ITK: variants seen among roughly 807,000 people sequenced by gnomAD.
ITK encodes the protein tyrosine-protein kinase ITK/TSK.
Under a neutral mutation model 87.6 loss-of-function variants are expected in ITK, and 45 were observed. That is an observed-to-expected ratio of 0.51 (90% CI 0.40 to 0.66). The LOEUF (loss-of-function observed/expected upper bound fraction) is 0.66. Among genes scored for constraint, ITK ranks in the 30% least tolerant of loss-of-function variants. The pLI, the probability that ITK is intolerant of heterozygous loss-of-function variation, is 0.00. For synonymous variants in ITK, 303 were observed against 273.6 expected, an observed-to-expected ratio of 1.11 and a Z score of -1.06; for missense variants, 605 against 766.3, an observed-to-expected ratio of 0.79 and a Z score of 2.48.
intron 5 of ITK, among the ~76,000 whole-genome samples, chr5:157,219,769 C>T (rs1327725519): frequency 6.6e-6 from 1 of 152,198 alleles, no homozygotes; most frequent in Non-Finnish European, 1.5e-5. Flanking sequence ...CCCTTGCAGA[C>T]GGTTCCCTCA....
At position 157,244,422 on chromosome 5, in the gene ITK, G is replaced by C; in HGVS notation, c.1393G>C (p.Asp465His). ...AAETLLGMCL[D>H]VCEGMAYLEE... is the part of the protein sequence containing the mutation. ...AGAGACCCTGCTGGGCATGTGTCTG[G>C]ATGTGTGTGAGGGCATGGCCTACCT... The change falls in exon 13 of 17, where the codon GAT becomes CAT. Residue 465 changes from aspartate to histidine, a missense_variant. Asp to His is a moderately conservative substitution (Grantham distance 81). This residue lies in a region of ITK where 464 missense variants were observed against 578.0 expected (regional missense o/e 0.80). Transcript: ENST00000422843. 6.2e-7 allele frequency: 1 copy of C among 1,614,076 alleles called. No homozygotes were observed. The highest frequency in any genetic ancestry group is 1.1e-5 in the South Asian group (1 of 91,084).
At chr5:157,218,511 G>GAA (rs397884875) in intron 5 of ITK, among the ~76,000 whole-genome samples, 85 of 102,676 alleles carry the variant, frequency 8.3e-4, no homozygotes, top group East Asian at 3.0e-3. Flanking sequence ...CCCGTCTCCA[G>GAA]AAAAAAAAAA....
At chr5:157,219,378 G>A (rs192928818) in intron 5 of ITK, among the ~76,000 whole-genome samples, 1 of 152,136 alleles carries the variant, frequency 6.6e-6, no homozygotes, top group East Asian at 1.9e-4. Flanking sequence ...CTCCCAAAGT[G>A]CTGGAATTAC....
intron 5 of ITK, 111 bp downstream of exon 5, chr5:157,218,018 C>G: frequency 1.0e-6 from 1 of 974,822 alleles, no homozygotes. Context: ...TGGCTGCATG[C>G]AGCAGGCTGT....
chr5:157,201,670 A>G (rs1201845886), intron 1 of ITK, among the ~76,000 whole-genome samples: 3 of 151,140 alleles, frequency 2.0e-5, no homozygotes, highest in African/African-American at 7.3e-5. Flanking sequence ...ATAAAGTGAA[A>G]TGAAATTCTC....
intron 1 of ITK, among the ~76,000 whole-genome samples, chr5:157,201,747 A>G (rs1753980787): frequency 6.6e-6 from 1 of 152,176 alleles, no homozygotes; most frequent in Non-Finnish European, 1.5e-5. Context: ...AAAAAAAAAA[A>G]AAAAAAAATT....
At chr5:157,223,524 A>T (rs1416035689) in intron 6 of ITK, among the ~76,000 whole-genome samples, 1 of 152,232 alleles carries the variant, frequency 6.6e-6, no homozygotes, top group African/African-American at 2.4e-5. Flanking sequence ...CACATGACTC[A>T]GGGAGAAAAT....
chr5:157,217,910 G>A lies in ITK; in HGVS notation c.495+3G>A. The A allele has an allele frequency of 6.2e-7, 1 of 1,613,634 alleles. No individual in the cohort carries two copies. The highest frequency in any genetic ancestry group is 8.5e-7 in the Non-Finnish European group (1 of 1,179,612). Reference sequence around the variant, plus strand: ...CTCCTACTCCTGAAGACAACAGGGTGAGTGAGAGCGCTAGCTCCGGGTGCA... The same window carrying A: ...CTCCTACTCCTGAAGACAACAGGGTAAGTGAGAGCGCTAGCTCCGGGTGCA... On this transcript the variant is annotated splice_donor_region_variant and intron_variant, in intron 5 of 16. Coordinates refer to ENST00000422843, the MANE Select transcript of ITK (RefSeq NM_005546.4).
intron 11 of ITK, among the ~76,000 whole-genome samples, chr5:157,243,130 A>G (rs755965478): frequency 2.5e-4 from 38 of 152,324 alleles, no homozygotes; most frequent in African/African-American, 8.9e-4. Flanking sequence ...TTTGTTAAAC[A>G]TTTCTTGAGA....
chr5:157,215,161 C>T (rs960831623), intron 4 of ITK, among the ~76,000 whole-genome samples: 4 of 152,228 alleles, frequency 2.6e-5, no homozygotes, highest in Admixed American at 6.5e-5. Flanking sequence ...CAGTATGCTC[C>T]GGGTCACACC....
In ITK at chr5:157,180,957, C is replaced by T. The variant is rs1204293026; in HGVS notation, c.-21C>T. 1 of 1,611,764 alleles carries T rather than the reference C, an allele frequency of 6.2e-7. No homozygotes were observed. The highest frequency in any genetic ancestry group is 8.5e-7 in the Non-Finnish European group (1 of 1,177,986). ...GCTAAGAGGTGATGCCCAAGGTGCACCACCTTTCAAGAACTGGATCATGAA... is the reference window on the plus strand; with the variant it reads ...GCTAAGAGGTGATGCCCAAGGTGCATCACCTTTCAAGAACTGGATCATGAA... On this transcript the variant is annotated 5_prime_UTR_variant, in exon 1 of 17. Transcript: ENST00000422843.
intron 7 of ITK, among the ~76,000 whole-genome samples, chr5:157,229,096 GATAA>G (rs763729794): frequency 2.0e-5 from 3 of 152,144 alleles, no homozygotes; most frequent in Non-Finnish European, 4.4e-5. Context: ...TAGACTGATA[GATAA>G]ATAAAGAAGT....
At chr5:157,210,071 G>A (rs553808223) in intron 2 of ITK, among the ~76,000 whole-genome samples, 13 of 152,156 alleles carry the variant, frequency 8.5e-5, no homozygotes, top group South Asian at 4.1e-4. Context: ...GACTACGGGC[G>A]TGTGCCAACA....
intron 1 of ITK, among the ~76,000 whole-genome samples, chr5:157,187,302 TGATAAA>T (rs1451586799): frequency 6.6e-6 from 1 of 152,210 alleles, no homozygotes; most frequent in Non-Finnish European, 1.5e-5. Context: ...GCACCCAAGT[TGATAAA>T]GATGGCCTTG....
intron 1 of ITK, 143 bp downstream of exon 1, chr5:157,181,258 G>T (rs1753508581): frequency 1.1e-6 from 1 of 925,572 alleles, no homozygotes. Flanking sequence ...TACAGTAAAA[G>T]TAATCAGAGG....
At chr5:157,233,298 G>A (rs767471295) in intron 8 of ITK, among the ~76,000 whole-genome samples, 2 of 152,142 alleles carry the variant, frequency 1.3e-5, no homozygotes, top group Admixed American at 6.5e-5. Flanking sequence ...CATGGCATTG[G>A]GACTTTATTG....
intron 12 of ITK, 178 bp from the exon 13 acceptor site, chr5:157,244,084 C>A (rs1754970043): frequency 2.8e-6 from 2 of 703,880 alleles, no homozygotes; most frequent in South Asian, 3.3e-5. Context: ...TGACTCCTTG[C>A]CATTTTTCAG....
chr5:157,190,168 A>G (rs1753725745), intron 1 of ITK, among the ~76,000 whole-genome samples: 2 of 152,186 alleles, frequency 1.3e-5, no homozygotes, highest in Admixed American at 6.6e-5. Flanking sequence ...CTATTAACCT[A>G]AAGTTATTTG....
Position 157,209,377 on chromosome 5 carries a change from G to A in ITK, c.243+384G>A, listed in dbSNP as rs145115819. ...AGTCACTGTGAGAGAGGGTGGACAC[G>A]GATGACTCTCTGCCTCTCTGCTCCA... is the stretch of plus-strand genomic sequence containing the variant. On this transcript the variant is annotated intron_variant, in intron 2 of 16. Coordinates refer to ENST00000422843, the MANE Select transcript of ITK (RefSeq NM_005546.4). Among the ~76,000 whole-genome samples, 1,115 of 151,506 alleles carry A rather than the reference G, an allele frequency of 7.4e-3. 3 individuals carry two copies. Among genetic ancestry groups the A allele is most frequent in the Admixed American group, 0.011 (164 of 15,234 alleles).
Sources: allele counts gnomAD v4.1 joint callset (sites outside exome capture counted in the v4.1 genomes callset), GRCh38; gene constraint gnomAD v4.1.1; regional missense constraint gnomAD v4.1.1; transcripts MANE v1.5; gene names NCBI Gene and HGNC (gene_info 2026-07-23, HGNC 2026-07-21).